The following CNTNAP2 variants were observed in gnomAD, a reference collection of about 807,000 sequenced individuals.
CNTNAP2 encodes the protein contactin-associated protein-like 2.
CNTNAP2 carries 98 observed loss-of-function variants against 155.2 expected under a neutral mutation model. The ratio of observed to expected loss-of-function variants is 0.63; its 90% CI spans 0.54 to 0.75. CNTNAP2 has a LOEUF of 0.75. CNTNAP2 is among the 30% of genes least tolerant of loss of function. CNTNAP2 has a pLI of 0.00. For synonymous variants in CNTNAP2, 651 were observed against 631.2 expected (o/e 1.03, Z -0.47); for missense variants, 1,727 against 1,688.1 (o/e 1.02, Z -0.40).
intron 5 of CNTNAP2, among the ~76,000 whole-genome samples, chr7:147,118,848 A>G (rs1584855213): frequency 1.3e-5 from 2 of 152,214 alleles, no homozygotes; most frequent in South Asian, 4.1e-4. Context: ...GTGGTGCATG[A>G]CTGTTTGTGG....
intron 3 of CNTNAP2, among the ~76,000 whole-genome samples, chr7:146,972,717 A>G (rs1381124537): frequency 6.6e-6 from 1 of 152,264 alleles, no homozygotes; most frequent in Non-Finnish European, 1.5e-5. Context: ...TTGGAGGTAA[A>G]TGTTCTGCAG....
At chr7:146,519,036 C>T (rs1459489654) in intron 1 of CNTNAP2, among the ~76,000 whole-genome samples, 1 of 151,856 alleles carries the variant, frequency 6.6e-6, no homozygotes, top group Non-Finnish European at 1.5e-5. Flanking sequence ...TTATAATAAT[C>T]GTTGTTATGC....
chr7:146,254,351 G>T (rs1362925247), intron 1 of CNTNAP2, among the ~76,000 whole-genome samples: 2 of 152,286 alleles, frequency 1.3e-5, no homozygotes, highest in East Asian at 3.9e-4. Flanking sequence ...ATAAAATAAT[G>T]CATTTTAATG....
At chr7:146,339,578 G>A (rs1467973203) in intron 1 of CNTNAP2, among the ~76,000 whole-genome samples, 3 of 151,872 alleles carry the variant, frequency 2.0e-5, no homozygotes, top group African/African-American at 7.3e-5. Flanking sequence ...CTGGAAATAG[G>A]GTCATTTGGT....
chr7:147,702,182 A>G (rs1255872198), intron 13 of CNTNAP2, among the ~76,000 whole-genome samples: 3 of 151,020 alleles, frequency 2.0e-5, no homozygotes, highest in African/African-American at 4.9e-5. Flanking sequence ...GAGAGATGAC[A>G]TCTCTCGTCG....
chr7:147,198,470 G>A (rs370195086), intron 8 of CNTNAP2, among the ~76,000 whole-genome samples: 31 of 152,178 alleles, frequency 2.0e-4, no homozygotes, highest in African/African-American at 6.0e-4. Flanking sequence ...GACCTCAGGC[G>A]ATCCACCCAC....
At chr7:147,455,474 C>G (rs1269694453) in intron 10 of CNTNAP2, among the ~76,000 whole-genome samples, 3 of 152,116 alleles carry the variant, frequency 2.0e-5, no homozygotes, top group African/African-American at 7.2e-5. Context: ...AAACCTCATA[C>G]AATTTCCATT....
chr7:148,186,026 A>C (rs545014769), intron 18 of CNTNAP2, among the ~76,000 whole-genome samples: 45 of 152,346 alleles, frequency 3.0e-4, no homozygotes, highest in African/African-American at 1.1e-3. Flanking sequence ...TTCTGTTACT[A>C]TAATGAATTT....
At chr7:147,765,863 G>A (rs1323271767) in intron 13 of CNTNAP2, among the ~76,000 whole-genome samples, 6 of 152,114 alleles carry the variant, frequency 3.9e-5, no homozygotes, top group South Asian at 4.2e-4. Flanking sequence ...TGATATACTC[G>A]TACAATGGAA....
intron 4 of CNTNAP2, among the ~76,000 whole-genome samples, chr7:147,084,477 CAT>C (rs1421828912): frequency 4.3e-5 from 6 of 140,808 alleles, no homozygotes; most frequent in East Asian, 2.1e-4. Context: ...TGTATATACA[CAT>C]ATATGCACAT....
At position 146,469,839 on chromosome 7, in the gene CNTNAP2, A is replaced by ATTT. The variant is rs55827136; in HGVS notation, c.98-304416_98-304414dup. Reference sequence around the variant, plus strand: ...GCCACCAACCCCAGCCTTAATTGACATTTTTTTTTTTTTTTTTTGAGACAC... The same window carrying ATTT: ...GCCACCAACCCCAGCCTTAATTGACATTTTTTTTTTTTTTTTTTTTTGAGACAC... On this transcript the variant is annotated intron_variant, in intron 1 of 23. Transcript: ENST00000361727. 7.2e-3 allele frequency among the ~76,000 whole-genome samples: 611 copies of ATTT among 85,418 alleles called. 7 individuals are homozygous for ATTT. Among genetic ancestry groups the ATTT allele is most frequent in the African/African-American group, 0.024 (563 of 23,298 alleles). The allele number at this position is 85,418 out of a possible 152,430, so 56.0% of individuals were successfully genotyped here.
chr7:147,629,646 GA>G (rs909291244), intron 12 of CNTNAP2, among the ~76,000 whole-genome samples: 20 of 151,766 alleles, frequency 1.3e-4, no homozygotes, highest in African/African-American at 3.4e-4. Context: ...GACCACAGTG[GA>G]AAAAAAGTGG....
chr7:148,026,128 C>T (rs533607906), intron 15 of CNTNAP2, among the ~76,000 whole-genome samples: 2 of 152,060 alleles, frequency 1.3e-5, no homozygotes, highest in Non-Finnish European at 2.9e-5. Context: ...TGACAGCTTA[C>T]CCCCAAAAGT....
intron 1 of CNTNAP2, among the ~76,000 whole-genome samples, chr7:146,289,707 A>G (rs1800398367): frequency 6.6e-6 from 1 of 152,212 alleles, no homozygotes; most frequent in Non-Finnish European, 1.5e-5. Context: ...TTTTATCAGA[A>G]CAAAGAAAAT....
intron 1 of CNTNAP2, among the ~76,000 whole-genome samples, chr7:146,278,144 T>A (rs77703262): frequency 0.012 from 1,832 of 152,246 alleles, 25 homozygotes; most frequent in South Asian, 0.024. Flanking sequence ...GTGCCTATAG[T>A]TTTAGATGGG....
intron 1 of CNTNAP2, among the ~76,000 whole-genome samples, chr7:146,292,366 T>A (rs530670076): frequency 1.3e-5 from 2 of 152,316 alleles, no homozygotes; most frequent in East Asian, 3.9e-4. Context: ...TTCCTTTTGA[T>A]AGGTGCAGCA....
intron 17 of CNTNAP2, among the ~76,000 whole-genome samples, chr7:148,153,016 G>C (rs569324176): frequency 1.4e-5 from 1 of 70,966 alleles, no homozygotes; most frequent in South Asian, 5.5e-4. Context: ...GCAAGACTCC[G>C]TCTCAAAAAA....
chr7:147,660,678 A>G (rs1795595484), intron 13 of CNTNAP2, among the ~76,000 whole-genome samples: 2 of 152,286 alleles, frequency 1.3e-5, no homozygotes, highest in South Asian at 4.1e-4. Context: ...TTAAGGCACT[A>G]AGCTAACTTC....
chr7:147,763,853 C>G (rs1278086243), intron 13 of CNTNAP2, among the ~76,000 whole-genome samples: 1 of 152,160 alleles, frequency 6.6e-6, no homozygotes, highest in Non-Finnish European at 1.5e-5. Context: ...AGCCTCAAAA[C>G]AGAGTTCAGA....
Sources: gnomAD v4.1 joint callset for allele counts (sites outside exome capture counted in the v4.1 genomes callset) on GRCh38, gnomAD v4.1.1 for gene constraint, MANE v1.5 for transcripts, NCBI Gene and HGNC (gene_info 2026-07-23, HGNC 2026-07-21) for gene names.